Variants in SIDT2 observed in about 807,000 individuals in gnomAD.
The protein encoded by SIDT2 is SID1 transmembrane family member 2.
SIDT2 carries 68 observed loss-of-function variants against 114.4 expected under a neutral mutation model. The observed-to-expected ratio is 0.59, with a 90% CI of 0.49 to 0.73. SIDT2 has a LOEUF of 0.73. SIDT2 is among the 30% of genes least tolerant of loss of function. The pLI, the probability that SIDT2 is intolerant of heterozygous loss-of-function variation, is 0.00. For missense variants in SIDT2, 918 were observed against 1,097.1 expected (o/e 0.84, Z 2.31); for synonymous variants, 470 against 438.4 (o/e 1.07, Z -0.90).
chr11:117,196,226 C>G lies in SIDT2; in HGVS notation c.*160C>G, dbSNP rs1254346038. 4.4e-6 allele frequency: 4 copies of G among 903,140 alleles called. No homozygotes were observed. Among genetic ancestry groups the G allele is most frequent in the Non-Finnish European group, 6.6e-6 (4 of 601,868 alleles). 55.9% of individuals were successfully genotyped at this position (903,140 alleles called of 1,614,324 possible). On this transcript the variant is annotated 3_prime_UTR_variant, in exon 26 of 26. Transcript: ENST00000324225. The surrounding 1 kb of genome is among the most constrained non-coding windows in gnomAD (Gnocchi z 4.9). ...TAGCTTAGGCTTGGCCTGGGACAGCCATGGGGTGGCATGGAACCTTGCAGC... is the reference window on the plus strand; with the variant it reads ...TAGCTTAGGCTTGGCCTGGGACAGCGATGGGGTGGCATGGAACCTTGCAGC...
intron 24 of SIDT2, among the ~76,000 whole-genome samples, chr11:117,195,029 G>GTGAGC (rs373918239): frequency 7.4e-6 from 1 of 135,538 alleles, no homozygotes; most frequent in African/African-American, 2.7e-5. Flanking sequence ...GGAGGTTGCA[G>GTGAGC]TGAGCTGAGA....
chr11:117,179,341 G>A lies in SIDT2; in HGVS notation c.78G>A (p.Lys26=). The change falls in exon 1 of 26, where the codon AAG becomes AAA. Residue 26 remains lysine (K), a synonymous_variant. Transcript: ENST00000324225. ...VESHLGVLGP[K]NVSQKDAEFE... The stretch of plus-strand genomic sequence containing the variant: ...GCCATCTGGGGGTTCTGGGGCCCAA[G>A]AACGTCTCGCAGAAAGACGCCGAGT... 6.2e-7 allele frequency: 1 copy of A among 1,614,218 alleles called. No individual in the cohort carries two copies. Among genetic ancestry groups the A allele is most frequent in the Non-Finnish European group, 8.5e-7 (1 of 1,180,042 alleles).
At position 117,192,240 on chromosome 11, in the gene SIDT2, T is replaced by G; in HGVS notation, c.1873-14T>G. 1 of 1,564,344 alleles carries G rather than the reference T, an allele frequency of 6.4e-7. No homozygotes were observed. Among genetic ancestry groups the G allele is most frequent in the Non-Finnish European group, 8.8e-7 (1 of 1,134,920 alleles). ...TCTCCACCCTCACCGCTGCCCTTGG[T>G]GGCCTCCCGACAGGTCTTTGGCAAA... is the stretch of plus-strand genomic sequence containing the variant. On this transcript the variant is annotated splice_polypyrimidine_tract_variant and intron_variant, in intron 19 of 25. Transcript: ENST00000324225. This position sits in a 1 kb window ranked among gnomAD's most constrained non-coding sequence, Gnocchi z 5.9.
At chr11:117,194,237 C>G (rs1319852209) in intron 24 of SIDT2, 1 of 318,234 alleles carries the variant, frequency 3.1e-6, no homozygotes, top group Non-Finnish European at 5.9e-6. Context: ...ATAGCCTGTG[C>G]AGGAGTTCCA....
intron 10 of SIDT2, 99 bp downstream of exon 10, chr11:117,186,735 G>T: frequency 8.4e-7 from 1 of 1,188,256 alleles, no homozygotes. Flanking sequence ...GGAAGGGCTG[G>T]GGGTTTCTGG....
Position 117,187,432 on chromosome 11 carries a change from A to C in SIDT2, c.1070A>C (p.Tyr357Ser). 1 of 1,614,054 alleles carries C rather than the reference A, an allele frequency of 6.2e-7. No homozygotes were observed. Among genetic ancestry groups the C allele is most frequent in the Non-Finnish European group, 8.5e-7 (1 of 1,179,966 alleles). The change falls in exon 11 of 26, where the codon TAC becomes TCC. Residue 357 changes from tyrosine to serine, a missense_variant. Tyr to Ser is a moderately radical substitution (Grantham distance 144). This residue lies in a region of SIDT2 where 553 missense variants were observed against 600.1 expected (regional missense o/e 0.92). Transcript: ENST00000324225. ...CCTGGCAGTTCCCCTTATGAGGGTT[A>C]CAACTATGGCTCCTTTGGTACGTGT... ...SFPGSSPYEG[Y>S]NYGSFENVSG...
In SIDT2 at chr11:117,188,393, G is replaced by T; in HGVS notation, c.1160-315G>T. Reference sequence around the variant, plus strand: ...CTTGCCGAGTTCAATCCTGTTGTTTGTGTCTGCTGCCTGGGGTCTGCCTTG... The same window carrying T: ...CTTGCCGAGTTCAATCCTGTTGTTTTTGTCTGCTGCCTGGGGTCTGCCTTG... On this transcript the variant is annotated intron_variant, in intron 12 of 25. Transcript: ENST00000324225. This position sits in a 1 kb window ranked among gnomAD's most constrained non-coding sequence, Gnocchi z 4.0. The T allele has an allele frequency of 2.3e-6, 1 of 430,206 alleles. No individual in the cohort carries two copies. Among genetic ancestry groups the T allele is most frequent in the South Asian group, 2.9e-5 (1 of 34,578 alleles). The allele number at this position is 430,206 out of a possible 1,614,324, so 26.6% of individuals were successfully genotyped here. A position where few individuals can be genotyped will look rare whatever the true frequency, so the allele number is the denominator to read the frequency against.
chr11:117,188,373 C>T lies in SIDT2; in HGVS notation c.1160-335C>T, dbSNP rs759266599. The T allele has an allele frequency of 4.4e-5, 17 of 382,132 alleles. No individual in the cohort carries two copies. The highest frequency in any genetic ancestry group is 8.0e-5 in the Admixed American group (2 of 25,098). The allele number at this position is 382,132 out of a possible 1,614,324, so 23.7% of individuals were successfully genotyped here. A position where few individuals can be genotyped will look rare whatever the true frequency, so the allele number is the denominator to read the frequency against. ...GCACCCTTGAATCAGCATGACTTGCCGAGTTCAATCCTGTTGTTTGTGTCT... is the reference window on the plus strand; with the variant it reads ...GCACCCTTGAATCAGCATGACTTGCTGAGTTCAATCCTGTTGTTTGTGTCT... On this transcript the variant is annotated intron_variant, in intron 12 of 25. Transcript: ENST00000324225. The surrounding 1 kb of genome is among the most constrained non-coding windows in gnomAD (Gnocchi z 4.0).
At chr11:117,187,288 C>T in intron 10 of SIDT2, 90 bp from the exon 11 acceptor site, 1 of 1,289,362 alleles carries the variant, frequency 7.8e-7, no homozygotes, top group Admixed American at 1.7e-5. Context: ...CTCCCTGTGG[C>T]TGTCTTCTCT....
At position 117,187,716 on chromosome 11, in the gene SIDT2, G is replaced by T. The variant is rs1355684144; in HGVS notation, c.1159+17G>T. On this transcript the variant is annotated intron_variant, in intron 12 of 25. Coordinates refer to ENST00000324225, the MANE Select transcript of SIDT2 (RefSeq NM_001040455.2). ...GTTACCAGGGTGAGTGGGCCAGGCT[G>T]GGAGGGGCGGTGTGGTGCAGGACGG... 1 of 1,612,868 alleles carries T rather than the reference G, an allele frequency of 6.2e-7. No homozygotes were observed. The highest frequency in any genetic ancestry group is 2.2e-5 in the East Asian group (1 of 44,868).
In SIDT2 at chr11:117,179,235, A is replaced by ACCG. The variant is rs2030161684; in HGVS notation, c.-27_-25dup. 1 of 1,596,752 alleles carries ACCG rather than the reference A, an allele frequency of 6.3e-7. No homozygotes were observed. The highest frequency in any genetic ancestry group is 1.4e-5 in the African/African-American group (1 of 73,382). ...TCCTGTCGCCGCCGCCGCCGCCACC[A>ACCG]CCGCTGCCACTGCCGCCCTGCCGGG... On this transcript the variant is annotated 5_prime_UTR_variant, in exon 1 of 26. Transcript: ENST00000324225.
intron 1 of SIDT2, 62 bp downstream of exon 1, chr11:117,179,508 C>T: frequency 6.5e-7 from 1 of 1,540,864 alleles, no homozygotes; most frequent in Non-Finnish European, 8.8e-7. Context: ...CTAGGCGATT[C>T]TGCCGCCCCG....
In SIDT2 at chr11:117,193,173, T is replaced by C; in HGVS notation, c.2126T>C (p.Met709Thr). ...NWSLAAYGLI[M>T]RPNDFASYLL... Reference sequence around the variant, plus strand: ...GCCAGGGCTGCCTATGGGCTTATCATGCGCCCCAATGATTTCGCTTCCTAC... The same window carrying C: ...GCCAGGGCTGCCTATGGGCTTATCACGCGCCCCAATGATTTCGCTTCCTAC... Residue 709 changes from methionine (M) to threonine (T), a missense_variant, in exon 23 of 26, where the codon ATG becomes ACG. Around this residue, in one of 4 missense-constraint regions of SIDT2, gnomAD observed 275 missense variants for 397.6 expected, o/e 0.69. Transcript: ENST00000324225. 1 of 1,614,202 alleles carries C rather than the reference T, an allele frequency of 6.2e-7. No individual in the cohort carries two copies. Among genetic ancestry groups the C allele is most frequent in the African/African-American group, 1.3e-5 (1 of 75,068 alleles).
rs2134257072 is a variant in SIDT2 at position 117,190,372 on chromosome 11, G to T, written c.1617+83G>T. ...TGGCTCCAGGACACCCTTTTGGGCA[G>T]GCCTGGCCCTGCCTTCCCCAGCTCT... On this transcript the variant is annotated intron_variant, in intron 17 of 25. Transcript: ENST00000324225. The surrounding 1 kb of genome is among the most constrained non-coding windows in gnomAD (Gnocchi z 4.1). 3 of 1,511,818 alleles carry T rather than the reference G, an allele frequency of 2.0e-6. No homozygotes were observed. In the East Asian group the frequency reaches 6.8e-5, roughly 34 times the overall value. 93.7% of individuals were successfully genotyped at this position (1,511,818 alleles called of 1,614,324 possible).
rs777413005 is a variant in SIDT2 at position 117,195,993 on chromosome 11, C to T, written c.2437-11C>T. On this transcript the variant is annotated splice_polypyrimidine_tract_variant and intron_variant, in intron 25 of 25. Coordinates refer to ENST00000324225, the MANE Select transcript of SIDT2 (RefSeq NM_001040455.2). ...TCCTTCTCTGTGGCTGATCTGGCGT[C>T]CACACCCCAGGTGTTGCTGACACTG... 1 of 1,614,246 alleles carries T rather than the reference C, an allele frequency of 6.2e-7. No homozygotes were observed. The highest frequency in any genetic ancestry group is 1.1e-5 in the South Asian group (1 of 91,088).
At chr11:117,181,569 G>A (rs2030286526) in intron 2 of SIDT2, 32 bp downstream of exon 2, 1 of 1,613,454 alleles carries the variant, frequency 6.2e-7, no homozygotes, top group African/African-American at 1.3e-5. Context: ...GGGAAGCGGG[G>A]CAGCCTAGGC....
chr11:117,192,453 G>A lies in SIDT2; in HGVS notation c.1981+91G>A. The A allele has an allele frequency of 1.4e-6, 2 of 1,416,422 alleles. No individual in the cohort carries two copies. The highest frequency in any genetic ancestry group is 1.7e-5 in the Admixed American group (1 of 59,164). 87.7% of individuals were successfully genotyped at this position (1,416,422 alleles called of 1,614,324 possible). A position where few individuals can be genotyped will look rare whatever the true frequency, so the allele number is the denominator to read the frequency against. ...GGGAGACGCTCAGGTTCTGTCTTGG[G>A]GGCCCTGGAGTCACTGGGTGAGGAA... On this transcript the variant is annotated intron_variant, in intron 20 of 25. Coordinates refer to ENST00000324225, the MANE Select transcript of SIDT2 (RefSeq NM_001040455.2). The surrounding 1 kb of genome is among the most constrained non-coding windows in gnomAD (Gnocchi z 5.9).
In SIDT2 at chr11:117,183,966, G is replaced by C. The variant is rs565905950; in HGVS notation, c.802+88G>C. 1.5e-3 allele frequency: 2,216 copies of C among 1,497,692 alleles called. 7 individuals are homozygous for C. The highest frequency in any genetic ancestry group is 1.8e-3 in the Non-Finnish European group (1,910 of 1,075,964). The allele number at this position is 1,497,692 out of a possible 1,614,324, so 92.8% of individuals were successfully genotyped here. A position where few individuals can be genotyped will look rare whatever the true frequency, so the allele number is the denominator to read the frequency against. On this transcript the variant is annotated intron_variant, in intron 7 of 25. Coordinates refer to ENST00000324225, the MANE Select transcript of SIDT2 (RefSeq NM_001040455.2). The stretch of plus-strand genomic sequence containing the variant: ...GAAGAGCCTGCGTGGCTGATTGGTG[G>C]ACCTGATAGGACATGGGTTTTTGGC...
chr11:117,190,766 G>T lies in SIDT2; in HGVS notation c.1735+26G>T. On this transcript the variant is annotated intron_variant, in intron 18 of 25. Transcript: ENST00000324225. The surrounding 1 kb of genome is among the most constrained non-coding windows in gnomAD (Gnocchi z 4.1). ...GTGAGTGGGGCGTCCTTCTTTTCTG[G>T]CTCAACCTACAGCAGGGACCTGCCT... 1 of 1,577,238 alleles carries T rather than the reference G, an allele frequency of 6.3e-7. No homozygotes were observed. Among genetic ancestry groups the T allele is most frequent in the Non-Finnish European group, 8.7e-7 (1 of 1,146,556 alleles).
Sources: gnomAD v4.1 joint callset for allele counts (sites outside exome capture counted in the v4.1 genomes callset) on GRCh38, gnomAD v4.1.1 for gene constraint, gnomAD v4.1.1 regional missense constraint, Gnocchi (gnomAD v3.1) non-coding constraint, MANE v1.5 for transcripts, NCBI Gene and HGNC (gene_info 2026-07-23, HGNC 2026-07-21) for gene names.